Variants in CTNNA3 observed in about 807,000 individuals in gnomAD.
The protein encoded by CTNNA3 is catenin alpha 3.
In CTNNA3, 76 loss-of-function variants were observed where a neutral mutation model predicts 95.7. The observed-to-expected ratio is 0.79, with a 90% confidence interval of 0.66 to 0.96. The LOEUF (loss-of-function observed/expected upper bound fraction) is 0.96. Among genes scored for constraint, CTNNA3 ranks in the 40% least tolerant of loss-of-function variants. The pLI, the probability that CTNNA3 is intolerant of heterozygous loss-of-function variation, is 0.00. For missense variants in CTNNA3, 1,191 were observed against 1,089.8 expected, an observed-to-expected ratio of 1.09 and a Z score of -1.31; for synonymous variants, 431 against 374.4, an observed-to-expected ratio of 1.15 and a Z score of -1.74.
At chr10:66,490,686 C>A (rs538318962) in intron 11 of CTNNA3, among the ~76,000 whole-genome samples, 3 of 152,282 alleles carry the variant, frequency 2.0e-5, no homozygotes, top group Non-Finnish European at 4.4e-5. Flanking sequence ...CCCACTTGAA[C>A]TCATGTGGTA....
chr10:66,044,485 C>T (rs1206383674), intron 15 of CTNNA3, among the ~76,000 whole-genome samples: 3 of 151,876 alleles, frequency 2.0e-5, no homozygotes, highest in African/African-American at 7.3e-5. Context: ...TCCTCCTCTC[C>T]GTACATGACC....
At chr10:66,868,428 G>A (rs990327780) in intron 7 of CTNNA3, among the ~76,000 whole-genome samples, 1 of 151,744 alleles carries the variant, frequency 6.6e-6, no homozygotes, top group Non-Finnish European at 1.5e-5. Context: ...GAGCAGAGCT[G>A]CACTGTCCTG....
At chr10:67,705,549 A>G (rs1178108267) in intron 1 of CTNNA3, among the ~76,000 whole-genome samples, 4 of 146,770 alleles carry the variant, frequency 2.7e-5, no homozygotes, top group South Asian at 4.4e-4. Context: ...AACACCGCAT[A>G]TTCTCACTCA....
chr10:66,276,155 ATATATAGAG>A (rs2091393403), intron 13 of CTNNA3, among the ~76,000 whole-genome samples: 1 of 152,126 alleles, frequency 6.6e-6, no homozygotes, highest in African/African-American at 2.4e-5. Context: ...CTATTCCCTG[ATATATAGAG>A]TTAGAAAACT....
intron 13 of CTNNA3, among the ~76,000 whole-genome samples, chr10:66,110,717 A>C (rs888594474): frequency 6.6e-6 from 1 of 152,202 alleles, no homozygotes; most frequent in African/African-American, 2.4e-5. Flanking sequence ...AACTCAAGTT[A>C]ACTCAACTAA....
chr10:66,360,840 T>C (rs1334742737), intron 12 of CTNNA3, among the ~76,000 whole-genome samples: 2 of 139,298 alleles, frequency 1.4e-5, no homozygotes, highest in African/African-American at 5.4e-5. Flanking sequence ...TTTCTTTCTT[T>C]CTTTCTTTCT....
At chr10:66,885,048 C>A (rs1402193381) in intron 7 of CTNNA3, among the ~76,000 whole-genome samples, 1 of 152,082 alleles carries the variant, frequency 6.6e-6, no homozygotes, top group Non-Finnish European at 1.5e-5. Flanking sequence ...CACCCAAGAA[C>A]CTGAAGCAAT....
chr10:66,186,743 T>A (rs1415760560), intron 13 of CTNNA3, among the ~76,000 whole-genome samples: 6 of 152,082 alleles, frequency 3.9e-5, no homozygotes, highest in African/African-American at 1.2e-4. Context: ...CAATGAAGAC[T>A]ATCAAGAATT....
chr10:65,924,316 G>A (rs1390967176), intron 17 of CTNNA3, among the ~76,000 whole-genome samples: 1 of 152,082 alleles, frequency 6.6e-6, no homozygotes, highest in East Asian at 1.9e-4. Flanking sequence ...CTCCATAGCG[G>A]GCTGTATAAT....
chr10:67,392,659 A>T (rs1844551043), intron 5 of CTNNA3, among the ~76,000 whole-genome samples: 1 of 152,220 alleles, frequency 6.6e-6, no homozygotes, highest in Admixed American at 6.5e-5. Context: ...ACCAACCCAA[A>T]TGTCCATCAA....
intron 17 of CTNNA3, among the ~76,000 whole-genome samples, chr10:65,947,244 A>T (rs1367809915): frequency 6.6e-6 from 1 of 152,190 alleles, no homozygotes; most frequent in Non-Finnish European, 1.5e-5. Flanking sequence ...CAGTTTCATA[A>T]TAAATAGAGA....
intron 9 of CTNNA3, among the ~76,000 whole-genome samples, chr10:66,672,508 A>G (rs1398775553): frequency 6.6e-6 from 1 of 152,124 alleles, no homozygotes; most frequent in Non-Finnish European, 1.5e-5. Flanking sequence ...GGTGCTATCA[A>G]TGCTTTGGGG....
At chr10:67,469,731 AC>A (rs1000260401) in intron 5 of CTNNA3, among the ~76,000 whole-genome samples, 70 of 152,284 alleles carry the variant, frequency 4.6e-4, no homozygotes, top group African/African-American at 1.6e-3. Flanking sequence ...CACATTCTGC[AC>A]ATGTACCCCA....
At chr10:67,186,084 G>T (rs1002117346) in intron 6 of CTNNA3, among the ~76,000 whole-genome samples, 1 of 151,756 alleles carries the variant, frequency 6.6e-6, no homozygotes. Flanking sequence ...TGTACTTCCA[G>T]TGTGGCATCA....
chr10:67,492,081 G>A (rs995835936), intron 5 of CTNNA3, among the ~76,000 whole-genome samples: 10 of 151,998 alleles, frequency 6.6e-5, no homozygotes, highest in African/African-American at 9.7e-5. Context: ...TATTGACTCC[G>A]TGGGTGTATA....
intron 9 of CTNNA3, among the ~76,000 whole-genome samples, chr10:66,700,906 T>C (rs188323399): frequency 5.3e-5 from 8 of 152,334 alleles, no homozygotes; most frequent in African/African-American, 1.9e-4. Flanking sequence ...GCACATGGTG[T>C]AGCCAATAAA....
chr10:66,861,698 T>C (rs954916179), intron 7 of CTNNA3, among the ~76,000 whole-genome samples: 3 of 152,214 alleles, frequency 2.0e-5, no homozygotes, highest in Non-Finnish European at 4.4e-5. Flanking sequence ...TGTTGTTTGT[T>C]TTTGAGCTGT....
At chr10:66,942,616 G>A (rs898448736) in intron 7 of CTNNA3, among the ~76,000 whole-genome samples, 1 of 151,430 alleles carries the variant, frequency 6.6e-6, no homozygotes, top group African/African-American at 2.4e-5. Flanking sequence ...GCGTGTGTGT[G>A]CATGTGTCTC....
At chr10:66,141,738 A>T (rs944236099) in intron 13 of CTNNA3, among the ~76,000 whole-genome samples, 1 of 152,224 alleles carries the variant, frequency 6.6e-6, no homozygotes, top group Non-Finnish European at 1.5e-5. Flanking sequence ...CCAAAATAAC[A>T]GCACATATAA....
Sources: allele counts gnomAD v4.1 joint callset (sites outside exome capture counted in the v4.1 genomes callset), GRCh38; gene constraint gnomAD v4.1.1; transcripts MANE v1.5; gene names NCBI Gene and HGNC (gene_info 2026-07-23, HGNC 2026-07-21).